VPS54: variants seen among roughly 807,000 people sequenced by gnomAD.
VPS54 encodes the protein VPS54 subunit of GARP complex, also known as vacuolar protein sorting-associated protein 54.
Under a neutral mutation model 121.5 loss-of-function variants are expected in VPS54, and 45 were observed. The ratio of observed to expected loss-of-function variants is 0.37; its 90% CI spans 0.29 to 0.47. The LOEUF (loss-of-function observed/expected upper bound fraction) is 0.47, where lower values mean the gene tolerates loss of function less well. Ranked by LOEUF, VPS54 falls within the 20% of genes least tolerant of loss-of-function variation. The pLI, the probability that VPS54 is intolerant of heterozygous loss-of-function variation, is 0.99. For synonymous variants in VPS54, 371 were observed against 385.8 expected (o/e 0.96, Z 0.45); for missense variants, 1,090 against 1,131.4 (o/e 0.96, Z 0.52).
chr2:63,915,151 CAAA>C (rs5831674), intron 16 of VPS54, among the ~76,000 whole-genome samples: 4 of 23,846 alleles, frequency 1.7e-4, no homozygotes, highest in Admixed American at 5.2e-4. Flanking sequence ...AGCTCCGTCT[CAAA>C]AAAAAAAAAA....
In VPS54 at chr2:63,920,627, C is replaced by A; in HGVS notation, c.1870G>T (p.Asp624Tyr). The A allele has an allele frequency of 6.8e-7, 1 of 1,473,842 alleles. No individual in the cohort carries two copies. Among genetic ancestry groups the A allele is most frequent in the Admixed American group, 2.3e-5 (1 of 43,110 alleles). 91.3% of individuals were successfully genotyped at this position (1,473,842 alleles called of 1,614,324 possible). A position where few individuals can be genotyped will look rare whatever the true frequency, so the allele number is the denominator to read the frequency against. The change falls in exon 14 of 23, where the codon GAT (aspartate) becomes TAT (tyrosine). Residue 624 changes from aspartate to tyrosine, a missense_variant and splice_region_variant. This residue lies in a region of VPS54 where 801 missense variants were observed against 757.0 expected (regional missense o/e 1.06). Coordinates refer to ENST00000272322, the MANE Select transcript of VPS54 (RefSeq NM_016516.3). ...GAATTTAGCTTCTCAAGAAAACCAT[C>A]CTAAATTTTAATACAAAAATCATGA... ...AVKFLMSRAK[D>Y]GFLEKLNSME...
At chr2:63,994,165 C>A (rs1441159632) in intron 1 of VPS54, among the ~76,000 whole-genome samples, 1 of 152,168 alleles carries the variant, frequency 6.6e-6, no homozygotes, top group East Asian at 1.9e-4. Context: ...ACCCATCTAA[C>A]CAATCCCACT....
At chr2:63,903,634 A>ATCTC (rs1179292548) in intron 20 of VPS54, among the ~76,000 whole-genome samples, 1 of 152,160 alleles carries the variant, frequency 6.6e-6, no homozygotes, top group Non-Finnish European at 1.5e-5. Context: ...ACACAGCAGG[A>ATCTC]GAGAGAGAAA....
intron 12 of VPS54, among the ~76,000 whole-genome samples, chr2:63,927,663 A>T (rs114819473): frequency 0.039 from 6,006 of 152,264 alleles, 145 homozygotes; most frequent in African/African-American, 0.065. Context: ...AGAATGAGTT[A>T]GACGAGCTGA....
intron 1 of VPS54, among the ~76,000 whole-genome samples, chr2:63,985,501 C>T (rs1677006695): frequency 6.6e-6 from 1 of 152,044 alleles, no homozygotes; most frequent in African/African-American, 2.4e-5. Flanking sequence ...CAGTAAGAAA[C>T]AAGCTGCTTT....
At chr2:63,980,357 ATACAGCATAT>A (rs1676751494) in intron 3 of VPS54, among the ~76,000 whole-genome samples, 2 of 152,072 alleles carry the variant, frequency 1.3e-5, no homozygotes, top group Non-Finnish European at 2.9e-5. Context: ...TGTTTCTTAT[ATACAGCATAT>A]ACTTGGGTCA....
intron 16 of VPS54, among the ~76,000 whole-genome samples, chr2:63,915,226 C>G (rs1030692410): frequency 2.1e-5 from 3 of 145,292 alleles, no homozygotes; most frequent in Admixed American, 6.9e-5. Flanking sequence ...GGACAAATCA[C>G]ACGTTAAAAA....
rs200927886 is a variant in VPS54 at position 64,003,631 on chromosome 2, AACAG to A, written c.-21+15303_-21+15306del. On this transcript the variant is annotated intron_variant, in intron 1 of 22. Transcript: ENST00000272322. ...AGAACATATCAGAACAGACAGACAAAACAGACAGACAGCTGCCAATAATACTTAA... is the reference window on the plus strand; with the variant it reads ...AGAACATATCAGAACAGACAGACAAAACAGACAGCTGCCAATAATACTTAA... Among the ~76,000 whole-genome samples the A allele has an allele frequency of 8.6e-3, 1,313 of 152,312 alleles. 5 individuals carry two copies. The highest frequency in any genetic ancestry group is 0.013 in the Non-Finnish European group (851 of 68,018).
At chr2:64,006,629 CTTTT>C (rs569562947) in intron 1 of VPS54, among the ~76,000 whole-genome samples, 1 of 135,888 alleles carries the variant, frequency 7.4e-6, no homozygotes, top group African/African-American at 2.8e-5. Flanking sequence ...TTATTATAAA[CTTTT>C]TTTTTTTGAG....
In VPS54 at chr2:63,988,832, T is replaced by C. The variant is rs181713301; in HGVS notation, c.-20-4813A>G. On this transcript the variant is annotated intron_variant, in intron 1 of 22. Coordinates refer to ENST00000272322, the MANE Select transcript of VPS54 (RefSeq NM_016516.3). ...AAAAGAACAGGCAGGATAACAGCGA[T>C]GTTCAGGGAACAAGGGAGATAACCA... 3.6e-3 allele frequency among the ~76,000 whole-genome samples: 547 copies of C among 152,256 alleles called. 6 individuals are homozygous for C. The highest frequency in any genetic ancestry group is 0.012 in the African/African-American group (512 of 41,552).
intron 16 of VPS54, 40 bp from the exon 17 acceptor site, chr2:63,914,327 A>C (rs1189573326): frequency 1.5e-6 from 2 of 1,343,480 alleles, no homozygotes; most frequent in Non-Finnish European, 2.1e-6. Flanking sequence ...AAATCAAAAC[A>C]AGAAAAATCA....
At chr2:63,944,559 TTC>T (rs764023119) in intron 10 of VPS54, 39 bp downstream of exon 10, 24 of 1,530,450 alleles carry the variant, frequency 1.6e-5, no homozygotes, top group Non-Finnish European at 1.8e-5. Flanking sequence ...CTATCATCTT[TTC>T]TCTGACTGAT....
rs560700373 is a variant in VPS54 at position 63,948,414 on chromosome 2, G to GTT, written c.1137+621_1137+622dup. Among the ~76,000 whole-genome samples the GTT allele has an allele frequency of 5.2e-3, 547 of 106,026 alleles. 9 individuals are homozygous for GTT. The highest frequency in any genetic ancestry group is 7.1e-3 in the Non-Finnish European group (386 of 54,742). 69.6% of individuals were successfully genotyped at this position (106,026 alleles called of 152,430 possible). A position where few individuals can be genotyped will look rare whatever the true frequency, so the allele number is the denominator to read the frequency against. ...CCATATGATAATGATCACTTTTTCG[G>GTT]TTTTTTTTTTTTTTTTTTTTTGAGA... is the stretch of plus-strand genomic sequence containing the variant. On this transcript the variant is annotated intron_variant, in intron 8 of 22. Transcript: ENST00000272322.
chr2:64,013,621 C>T (rs1440348438), intron 1 of VPS54, among the ~76,000 whole-genome samples: 1 of 141,816 alleles, frequency 7.1e-6, no homozygotes, highest in Non-Finnish European at 1.5e-5. Flanking sequence ...TATATATCAG[C>T]ATTTATATAT....
At chr2:63,995,034 G>T (rs1045942970) in intron 1 of VPS54, among the ~76,000 whole-genome samples, 1 of 152,152 alleles carries the variant, frequency 6.6e-6, no homozygotes, top group African/African-American at 2.4e-5. Context: ...CCCCATCTGA[G>T]GCCTCGTATG....
intron 1 of VPS54, among the ~76,000 whole-genome samples, chr2:64,017,679 A>T (rs1409367658): frequency 1.3e-5 from 2 of 152,178 alleles, no homozygotes; most frequent in Admixed American, 6.5e-5. Context: ...CCATTAAAAC[A>T]TTTTTCATTT....
chr2:63,945,155 T>C (rs1013161290), intron 9 of VPS54, among the ~76,000 whole-genome samples: 13 of 152,096 alleles, frequency 8.5e-5, no homozygotes, highest in Admixed American at 1.3e-4. Flanking sequence ...CCATCAATGA[T>C]AGACTGGATA....
rs2104452585 is a variant in VPS54, at chr2:63,921,262, T to C, written c.1813A>G (p.Ser605Gly). 6.2e-7 allele frequency: 1 copy of C among 1,613,338 alleles called. No homozygotes were observed. Among genetic ancestry groups the C allele is most frequent in the Middle Eastern group, 1.7e-4 (1 of 5,988 alleles). The change falls in exon 13 of 23, where the codon AGT becomes GGT. Residue 605 changes from serine to glycine, a missense_variant. Ser to Gly is a moderately conservative substitution (Grantham distance 56, BLOSUM62 0). Transcript: ENST00000272322. ...LANNIQELLY[S>G]ASDICHDRAV... ...CGATCATGGCATATATCTGAGGCAC[T>C]ATATAATAATTCCTGGATATTATTT...
intron 20 of VPS54, among the ~76,000 whole-genome samples, chr2:63,904,388 A>G (rs1672816051): frequency 6.8e-6 from 1 of 146,536 alleles, no homozygotes; most frequent in Non-Finnish European, 1.5e-5. Context: ...GCAGTGAGCC[A>G]AGATTGCACC....
Sources: gnomAD v4.1 joint callset for allele counts (sites outside exome capture counted in the v4.1 genomes callset) on GRCh38, gnomAD v4.1.1 for gene constraint, gnomAD v4.1.1 regional missense constraint, MANE v1.5 for transcripts, NCBI Gene and HGNC (gene_info 2026-07-23, HGNC 2026-07-21) for gene names.